ELL3: variants seen among roughly 807,000 people sequenced by gnomAD.
ELL3 encodes the protein elongation factor for RNA polymerase II 3.
In ELL3, 48 loss-of-function variants were observed where a neutral mutation model predicts 58.5. That is an observed-to-expected ratio of 0.82 (90% CI 0.65 to 1.04). The LOEUF (loss-of-function observed/expected upper bound fraction) is 1.04, where lower values mean the gene tolerates loss of function less well. Among genes scored for constraint, ELL3 ranks in the 50% least tolerant of loss-of-function variants. The pLI is 0.00. For missense variants in ELL3, 458 were observed against 478.4 expected, an observed-to-expected ratio of 0.96 and a Z score of 0.40; for synonymous variants, 174 against 173.2, an observed-to-expected ratio of 1.00 and a Z score of -0.04.
In ELL3 at chr15:43,776,553, A is replaced by T. The variant is rs748028268; in HGVS notation, c.133-9T>A. 1 of 1,566,074 alleles carries T rather than the reference A, an allele frequency of 6.4e-7. No homozygotes were observed. On this transcript the variant is annotated splice_polypyrimidine_tract_variant and intron_variant, in intron 1 of 10. Coordinates refer to ENST00000319359, the MANE Select transcript of ELL3 (RefSeq NM_025165.3). ...GCAATCACCGGCCGTACCTGCGGGG[A>T]GAGCGAAGATGTGACCGTTGAGCGC...
In ELL3 at chr15:43,773,293, C is replaced by T. The variant is rs1342807606; in HGVS notation, c.1083+11G>A. ...ATTCTACCTTGCTTCCGTTCCCAGA[C>T]CTTGTCTTACCTTCCTGAACTTTTT... On this transcript the variant is annotated intron_variant, in intron 10 of 10. Coordinates refer to ENST00000319359, the MANE Select transcript of ELL3 (RefSeq NM_025165.3). The T allele has an allele frequency of 6.2e-7, 1 of 1,614,030 alleles. No individual in the cohort carries two copies. The highest frequency in any genetic ancestry group is 1.3e-5 in the African/African-American group (1 of 74,906).
chr15:43,774,377 C>T (rs2086899431), intron 8 of ELL3, 24 bp from the exon 9 acceptor site: 1 of 1,613,746 alleles, frequency 6.2e-7, no homozygotes, highest in Non-Finnish European at 8.5e-7. Flanking sequence ...AGAGTTGTCA[C>T]CTTCAATTTC....
At position 43,774,213 on chromosome 15, in the gene ELL3, T is replaced by C. The variant is rs1227910430; in HGVS notation, c.1007A>G (p.Lys336Arg). 1 of 1,614,240 alleles carries C rather than the reference T, an allele frequency of 6.2e-7. No individual in the cohort carries two copies. Among genetic ancestry groups the C allele is most frequent in the South Asian group, 1.1e-5 (1 of 91,086 alleles). ...QRFIELGAEI[K>R]RVRRGTPEYK... is the part of the protein sequence containing the mutation. ...TTCTGGAGTTCCTCGCCGAACTCTT[T>C]TAATCTCTGCTCCCAGCTCTATGAA... The change falls in exon 9 of 11, where the codon AAA (lysine) becomes AGA (arginine). Residue 336 changes from lysine (K) to arginine (R), a missense_variant. By Grantham distance (26) the Lys-to-Arg change is conservative. Coordinates refer to ENST00000319359, the MANE Select transcript of ELL3 (RefSeq NM_025165.3).
chr15:43,773,946 G>A (rs943392960), intron 9 of ELL3, among the ~76,000 whole-genome samples: 1 of 152,168 alleles, frequency 6.6e-6, no homozygotes, highest in African/African-American at 2.4e-5. Flanking sequence ...AGGTTGCAGC[G>A]AGCCAAGATT....
At chr15:43,776,243 C>T (rs529482472) in intron 2 of ELL3, 92 bp from the exon 3 acceptor site, 2 of 1,268,338 alleles carry the variant, frequency 1.6e-6, no homozygotes, top group South Asian at 2.5e-5. Flanking sequence ...GTAAGTAAGA[C>T]TAAGACGGGT....
At position 43,775,788 on chromosome 15, in the gene ELL3, A is replaced by G. The variant is rs758385778; in HGVS notation, c.417T>C (p.Ser139=). The change falls in exon 4 of 11, where the codon AGT becomes AGC. Residue 139 remains serine, a synonymous_variant. Coordinates refer to ENST00000319359, the MANE Select transcript of ELL3 (RefSeq NM_025165.3). ...NLTEDARHPE[S]WQNTGGYSEG... ...CAGAATAGCCTCCTGTGTTCTGCCA[A>G]CTCTCAGGATGTCTGGCATCTTCAG... is the stretch of plus-strand genomic sequence containing the variant. 10 of 1,614,102 alleles carry G rather than the reference A, an allele frequency of 6.2e-6. No individual in the cohort carries two copies. The highest frequency in any genetic ancestry group is 8.5e-6 in the Non-Finnish European group (10 of 1,180,024).
intron 9 of ELL3, 42 bp downstream of exon 9, chr15:43,774,140 T>C (rs1231317102): frequency 1.2e-6 from 2 of 1,603,668 alleles, no homozygotes; most frequent in South Asian, 2.2e-5. Context: ...AGGGGGTTAA[T>C]GGCCAGTAGA....
At chr15:43,776,184 A>G in intron 2 of ELL3, 33 bp from the exon 3 acceptor site, 1 of 1,581,772 alleles carries the variant, frequency 6.3e-7, no homozygotes, top group Non-Finnish European at 8.7e-7. Flanking sequence ...AGCCCCATGA[A>G]GTCAGCCCCT....
In ELL3 at chr15:43,774,186, T is replaced by C; in HGVS notation, c.1034A>G (p.Tyr345Cys). 1 of 1,614,190 alleles carries C rather than the reference T, an allele frequency of 6.2e-7. No individual in the cohort carries two copies. The highest frequency in any genetic ancestry group is 1.3e-5 in the African/African-American group (1 of 75,056). Residue 345 changes from tyrosine to cysteine, a missense_variant, in exon 9 of 11, where the codon TAC becomes TGC. Tyr to Cys is a radical substitution (Grantham distance 194, BLOSUM62 -2). Coordinates refer to ENST00000319359, the MANE Select transcript of ELL3 (RefSeq NM_025165.3). Reference sequence around the variant, plus strand: ...CAGGCTGGGTCCTGTCCTTACCTTGTATTCTGGAGTTCCTCGCCGAACTCT... The same window carrying C: ...CAGGCTGGGTCCTGTCCTTACCTTGCATTCTGGAGTTCCTCGCCGAACTCT... ...IKRVRRGTPE[Y>C]KVLEDKIIQE...
At chr15:43,774,111 AG>A (rs2086897532) in intron 9 of ELL3, 70 bp downstream of exon 9, 3 of 1,560,382 alleles carry the variant, frequency 1.9e-6, no homozygotes, top group Non-Finnish European at 2.6e-6. Flanking sequence ...TTATAAACAC[AG>A]GTGTATGGAT....
At chr15:43,774,540 A>G in intron 7 of ELL3, 22 bp from the exon 8 acceptor site, 1 of 1,614,180 alleles carries the variant, frequency 6.2e-7, no homozygotes, top group Non-Finnish European at 8.5e-7. Context: ...GCAAGAAAAC[A>G]CAAGTGATTA....
chr15:43,775,057 C>T (rs923495783), intron 6 of ELL3, among the ~76,000 whole-genome samples: 6 of 151,580 alleles, frequency 4.0e-5, no homozygotes, highest in African/African-American at 7.3e-5. Flanking sequence ...TGTGGTGAGC[C>T]GTGATCATAC....
intron 8 of ELL3, 50 bp downstream of exon 8, chr15:43,774,426 C>G: frequency 6.2e-7 from 1 of 1,613,742 alleles, no homozygotes; most frequent in South Asian, 1.1e-5. Flanking sequence ...GGAAGTGTAT[C>G]TTAATATATG....
At position 43,776,561 on chromosome 15, in the gene ELL3, G is replaced by A. The variant is rs2086919291; in HGVS notation, c.133-17C>T. The A allele has an allele frequency of 6.4e-7, 1 of 1,565,638 alleles. No individual in the cohort carries two copies. Among genetic ancestry groups the A allele is most frequent in the Admixed American group, 1.9e-5 (1 of 53,158 alleles). ...CGGCCGTACCTGCGGGGAGAGCGAA[G>A]ATGTGACCGTTGAGCGCAGGTGAAG... On this transcript the variant is annotated splice_polypyrimidine_tract_variant and intron_variant, in intron 1 of 10. Coordinates refer to ENST00000319359, the MANE Select transcript of ELL3 (RefSeq NM_025165.3).
Position 43,775,875 on chromosome 15 carries a change from G to A in ELL3, c.330C>T (p.Leu110=), listed in dbSNP as rs1373881029. The change falls in exon 4 of 11, where the codon CTC becomes CTT. Residue 110 remains leucine (L), a synonymous_variant. Coordinates refer to ENST00000319359, the MANE Select transcript of ELL3 (RefSeq NM_025165.3). ...LHCLGSLRER[L]IIWAAMDSIP... is the part of the protein sequence containing the mutation. Reference sequence around the variant, plus strand: ...TAGAATCCATGGCTGCCCAAATAATGAGGCGCTCCCTGAGTGAGCCCAGGC... The same window carrying A: ...TAGAATCCATGGCTGCCCAAATAATAAGGCGCTCCCTGAGTGAGCCCAGGC... 6.2e-7 allele frequency: 1 copy of A among 1,614,038 alleles called. No homozygotes were observed. Among genetic ancestry groups the A allele is most frequent in the Non-Finnish European group, 8.5e-7 (1 of 1,180,050 alleles).
rs1219743681 is a variant in ELL3, at chr15:43,776,651, G to T, written c.133-107C>A. ...CTGCCTAGCGGGCTTCACTTGGAGA[G>T]GTGGGGAGGCCAGAGCTTGCGGAAG... On this transcript the variant is annotated intron_variant, in intron 1 of 10. Coordinates refer to ENST00000319359, the MANE Select transcript of ELL3 (RefSeq NM_025165.3). The T allele has an allele frequency of 5.8e-6, 9 of 1,546,766 alleles. No homozygotes were observed. The East Asian group carries it at 1.7e-4, about 29-fold the overall frequency.
At position 43,773,078 on chromosome 15, in the gene ELL3, T is replaced by A; in HGVS notation, c.*38A>T. The A allele has an allele frequency of 6.5e-7, 1 of 1,536,292 alleles. No individual in the cohort carries two copies. Among genetic ancestry groups the A allele is most frequent in the Non-Finnish European group, 8.8e-7 (1 of 1,136,172 alleles). ...TTTATAGCTGCTTTGTTCCTTTGTG[T>A]TTCACTAAGCAGAGGCTCAAAAATT... On this transcript the variant is annotated 3_prime_UTR_variant, in exon 11 of 11. Transcript: ENST00000319359.
Position 43,774,528 on chromosome 15 carries a change from A to T in ELL3, c.824-10T>A. On this transcript the variant is annotated splice_polypyrimidine_tract_variant and intron_variant, in intron 7 of 10. Coordinates refer to ENST00000319359, the MANE Select transcript of ELL3 (RefSeq NM_025165.3). The stretch of plus-strand genomic sequence containing the variant: ...CTTGGGGATTCAGAATCTAGGAAGG[A>T]AGCAAGAAAACACAAGTGATTATAA... 6.2e-7 allele frequency: 1 copy of T among 1,614,178 alleles called. No homozygotes were observed. The highest frequency in any genetic ancestry group is 8.5e-7 in the Non-Finnish European group (1 of 1,180,030).
In ELL3 at chr15:43,775,712, C is replaced by T. The variant is rs2086910031; in HGVS notation, c.483+10G>A. On this transcript the variant is annotated intron_variant, in intron 4 of 10. Transcript: ENST00000319359. ...TATCACAACTCCCTGCAATTTCTGG[C>T]CTCACCCACCTCCTCTAGTGCCATC... 6.2e-7 allele frequency: 1 copy of T among 1,613,964 alleles called. No individual in the cohort carries two copies. The highest frequency in any genetic ancestry group is 8.5e-7 in the Non-Finnish European group (1 of 1,180,044).
Sources: allele counts gnomAD v4.1 joint callset (sites outside exome capture counted in the v4.1 genomes callset), GRCh38; gene constraint gnomAD v4.1.1; transcripts MANE v1.5; gene names NCBI Gene and HGNC (gene_info 2026-07-23, HGNC 2026-07-21).